Variants in AGBL1 observed in about 807,000 individuals in gnomAD.
AGBL1 encodes AGBL carboxypeptidase 1.
In AGBL1, 130 loss-of-function variants were observed where a neutral mutation model predicts 118.9. The ratio of observed to expected loss-of-function variants is 1.09; its 90% confidence interval spans 0.95 to 1.26. AGBL1 has a LOEUF of 1.26. Among genes scored for constraint, AGBL1 ranks in the 50% most tolerant of loss-of-function variants. AGBL1 has a pLI of 0.00. For missense variants in AGBL1, 1,584 were observed against 1,298.1 expected (o/e 1.22, Z -3.38); for synonymous variants, 555 against 478.9 (o/e 1.16, Z -2.08).
At chr15:86,699,766 C>T (rs117060092) in intron 22 of AGBL1, among the ~76,000 whole-genome samples, 1,734 of 152,010 alleles carry the variant, frequency 0.011, 25 homozygotes, top group East Asian at 0.071. Flanking sequence ...TTACTTTGAC[C>T]GCTTGTTTAA....
intron 22 of AGBL1, among the ~76,000 whole-genome samples, chr15:86,796,700 T>C (rs1230286874): frequency 1.3e-5 from 2 of 152,202 alleles, no homozygotes; most frequent in Non-Finnish European, 2.9e-5. Context: ...AATAAAACAT[T>C]ATTAGAACAT....
chr15:86,177,101 T>C (rs922750318), intron 5 of AGBL1, among the ~76,000 whole-genome samples: 1 of 152,098 alleles, frequency 6.6e-6, no homozygotes, highest in African/African-American at 2.4e-5. Context: ...AGTAAAAGGA[T>C]GAAAAAGATA....
At chr15:86,247,586 C>G (rs1004384698) in intron 6 of AGBL1, 85 bp from the exon 7 acceptor site, 3 of 1,318,106 alleles carry the variant, frequency 2.3e-6, no homozygotes, top group Admixed American at 2.0e-5. Context: ...TAATAAGTAT[C>G]TTGTGGGAAA....
At position 86,456,309 on chromosome 15, in the gene AGBL1, T is replaced by C. The variant is rs74460682; in HGVS notation, c.2555+58763T>C. 3.9e-3 allele frequency among the ~76,000 whole-genome samples: 597 copies of C among 152,338 alleles called. 5 individuals are homozygous for C. The highest frequency in any genetic ancestry group is 0.014 in the African/African-American group (572 of 41,574). ...AAGGACTTATCACTCCAGAAAGCTA[T>C]CTTACATATTCCATCCATACTGTTT... On this transcript the variant is annotated intron_variant, in intron 18 of 22. Coordinates refer to ENST00000614907, the MANE Select transcript of AGBL1 (RefSeq NM_001386094.1).
At chr15:86,866,017 G>A (rs1045804720) in intron 22 of AGBL1, among the ~76,000 whole-genome samples, 1 of 152,112 alleles carries the variant, frequency 6.6e-6, no homozygotes, top group Non-Finnish European at 1.5e-5. Flanking sequence ...AGATGACCTT[G>A]CCTCAGCCAT....
intron 22 of AGBL1, among the ~76,000 whole-genome samples, chr15:86,711,040 A>G (rs2086547037): frequency 6.6e-6 from 1 of 152,308 alleles, no homozygotes; most frequent in Admixed American, 6.5e-5. Context: ...ACCCTAGGCC[A>G]CAAGGTGACT....
chr15:86,728,693 GTTTTTC>G (rs1323959505), intron 22 of AGBL1, among the ~76,000 whole-genome samples: 1 of 152,060 alleles, frequency 6.6e-6, no homozygotes, highest in Non-Finnish European at 1.5e-5. Flanking sequence ...ACTACTGAGG[GTTTTTC>G]TTTTTCTTTT....
intron 22 of AGBL1, among the ~76,000 whole-genome samples, chr15:86,903,421 A>G (rs559078949): frequency 1.3e-4 from 19 of 147,706 alleles, no homozygotes; most frequent in Non-Finnish European, 2.8e-4. Flanking sequence ...TATTTTTTTC[A>G]TTTGTTTCAT....
At chr15:86,771,615 A>G (rs1300813724) in intron 22 of AGBL1, among the ~76,000 whole-genome samples, 1 of 152,002 alleles carries the variant, frequency 6.6e-6, no homozygotes, top group Non-Finnish European at 1.5e-5. Flanking sequence ...ATCGCCTAAA[A>G]TTTTTGGTCC....
At position 86,295,256 on chromosome 15, in the gene AGBL1, C is replaced by G. The variant is rs1304171276; in HGVS notation, c.2222C>G (p.Thr741Ser). 1 of 1,613,342 alleles carries G rather than the reference C, an allele frequency of 6.2e-7. No individual in the cohort carries two copies. The highest frequency in any genetic ancestry group is 1.3e-5 in the African/African-American group (1 of 74,848). Residue 741 changes from threonine to serine, a missense_variant and splice_region_variant, in exon 17 of 23, where the codon ACT (threonine) becomes AGT (serine). By Grantham distance (58) the Thr-to-Ser change is moderately conservative. Coordinates refer to ENST00000614907, the MANE Select transcript of AGBL1 (RefSeq NM_001386094.1). ...ATGCCTGCTTTATTTCTGCTCCAGA[C>G]TCATCTTGACATCCTGGAAAAGAGT... ...HYPYTYTALM[T>S]HLDILEKSVN... is the part of the protein sequence containing the mutation.
rs184024065 is a variant in AGBL1 at position 86,564,123 on chromosome 15, C to A, written c.2994+9586C>A. ...TGTCTTTTAATTGGAGAATTTAGCC[C>A]ATTTATATTTAAGGTTAATATTGTT... On this transcript the variant is annotated intron_variant, in intron 21 of 22. Transcript: ENST00000614907. Among the ~76,000 whole-genome samples, 669 of 152,208 alleles carry A rather than the reference C, an allele frequency of 4.4e-3. 11 individuals carry two copies. The highest frequency in any genetic ancestry group is 0.015 in the African/African-American group (639 of 41,526).
chr15:86,629,863 C>T (rs1261572586), intron 21 of AGBL1, among the ~76,000 whole-genome samples: 4 of 152,128 alleles, frequency 2.6e-5, no homozygotes, highest in Non-Finnish European at 5.9e-5. Flanking sequence ...AAGAAGAAAA[C>T]AGATGAAGAG....
intron 17 of AGBL1, among the ~76,000 whole-genome samples, chr15:86,329,489 C>A (rs1472708748): frequency 1.3e-5 from 2 of 152,112 alleles, no homozygotes; most frequent in Non-Finnish European, 2.9e-5. Flanking sequence ...CACCCGCTCA[C>A]CTGAGTCACC....
chr15:86,268,415 C>A (rs1354577097), intron 13 of AGBL1, among the ~76,000 whole-genome samples: 1 of 152,078 alleles, frequency 6.6e-6, no homozygotes, highest in East Asian at 1.9e-4. Flanking sequence ...TTCAAAGGAT[C>A]CAGGAAAGGA....
intron 17 of AGBL1, among the ~76,000 whole-genome samples, chr15:86,305,978 C>A (rs1024129081): frequency 6.6e-6 from 1 of 151,616 alleles, no homozygotes; most frequent in African/African-American, 2.4e-5. Flanking sequence ...CATTTTTATA[C>A]TTAATAGTTT....
chr15:86,443,750 C>T (rs1051616731), intron 18 of AGBL1, among the ~76,000 whole-genome samples: 2 of 152,174 alleles, frequency 1.3e-5, no homozygotes, highest in African/African-American at 2.4e-5. Flanking sequence ...GTCCTCCAAA[C>T]TCACCTGTGT....
At chr15:86,815,601 T>C (rs917753494) in intron 22 of AGBL1, among the ~76,000 whole-genome samples, 32 of 152,144 alleles carry the variant, frequency 2.1e-4, no homozygotes, top group African/African-American at 7.5e-4. Flanking sequence ...TTAAGATTAA[T>C]TGGAGCAAAG....
intron 1 of AGBL1, among the ~76,000 whole-genome samples, chr15:86,121,355 G>C (rs774437037): frequency 6.6e-6 from 1 of 152,176 alleles, no homozygotes; most frequent in African/African-American, 2.4e-5. Flanking sequence ...ATACACCAAT[G>C]TGGGTTATTT....
At chr15:86,681,778 A>G (rs992892199) in intron 22 of AGBL1, among the ~76,000 whole-genome samples, 8 of 152,258 alleles carry the variant, frequency 5.3e-5, no homozygotes, top group South Asian at 4.1e-4. Flanking sequence ...TCAAGAATTC[A>G]TGGTATTTTG....
Sources: allele counts gnomAD v4.1 joint callset (sites outside exome capture counted in the v4.1 genomes callset), GRCh38; gene constraint gnomAD v4.1.1; transcripts MANE v1.5; gene names NCBI Gene and HGNC (gene_info 2026-07-23, HGNC 2026-07-21).